The following MAGI2 variants were observed in gnomAD, a reference collection of about 807,000 sequenced individuals.
The protein encoded by MAGI2 is membrane associated guanylate kinase, WW and PDZ domain containing 2, also known as membrane-associated guanylate kinase, WW and PDZ domain-containing protein 2.
A neutral mutation model predicts 133.3 loss-of-function variants in MAGI2; 35 were observed. That is an observed-to-expected ratio of 0.26 (90% CI 0.20 to 0.35). The LOEUF is 0.35. MAGI2 is among the 10% of genes least tolerant of loss of function. The pLI is 1.00. For synonymous variants in MAGI2, 729 were observed against 710.6 expected (o/e 1.03, Z -0.41); for missense variants, 1,636 against 1,863.4 (o/e 0.88, Z 2.25).
At chr7:78,083,581 A>G (rs1055587824) in intron 20 of MAGI2, among the ~76,000 whole-genome samples, 2 of 152,182 alleles carry the variant, frequency 1.3e-5, no homozygotes, top group African/African-American at 4.8e-5. Context: ...TTTCCTATGG[A>G]AGAAATACTT....
At chr7:79,376,614 G>A (rs1025635822) in intron 1 of MAGI2, among the ~76,000 whole-genome samples, 2 of 151,864 alleles carry the variant, frequency 1.3e-5, no homozygotes, top group Admixed American at 6.6e-5. Flanking sequence ...GTAGATGCCT[G>A]GGACAAAGGG....
intron 10 of MAGI2, among the ~76,000 whole-genome samples, chr7:78,223,324 T>TA (rs375537425): frequency 5.0e-4 from 76 of 151,090 alleles, no homozygotes; most frequent in Middle Eastern, 3.4e-3. Flanking sequence ...CTTTCTGTAC[T>TA]AAAAAAAAAG....
rs566186416 is a variant in MAGI2 at position 78,063,052 on chromosome 7, C to T, written c.3706+15895G>A. Among the ~76,000 whole-genome samples the T allele has an allele frequency of 2.6e-5, 4 of 152,192 alleles. No individual in the cohort carries two copies. The South Asian group carries it at 6.2e-4, about 24-fold the overall frequency. ...ACCACTTTCTTAATTCCAGCCCTCACGTCATTTGCTTCAACTTCTGCAATA... is the reference window on the plus strand; with the variant it reads ...ACCACTTTCTTAATTCCAGCCCTCATGTCATTTGCTTCAACTTCTGCAATA... On this transcript the variant is annotated intron_variant, in intron 21 of 21. Transcript: ENST00000354212.
intron 20 of MAGI2, among the ~76,000 whole-genome samples, chr7:78,117,426 A>AGATCAGATG (rs1819981976): frequency 6.6e-6 from 1 of 152,072 alleles, no homozygotes; most frequent in South Asian, 2.1e-4. Flanking sequence ...TAAAAGAAAA[A>AGATCAGATG]GATCAGATGG....
At chr7:78,689,947 G>A (rs1816786746) in intron 2 of MAGI2, among the ~76,000 whole-genome samples, 1 of 151,840 alleles carries the variant, frequency 6.6e-6, no homozygotes, top group Non-Finnish European at 1.5e-5. Context: ...TTAACTACAT[G>A]TTTATCTTTT....
intron 2 of MAGI2, among the ~76,000 whole-genome samples, chr7:78,754,785 C>T (rs760982107): frequency 2.0e-5 from 3 of 152,186 alleles, no homozygotes; most frequent in Non-Finnish European, 2.9e-5. Context: ...TTCAAACTAA[C>T]CACTTCTGTT....
Position 78,080,498 on chromosome 7 carries a change from G to C in MAGI2, c.3568-1413C>G, listed in dbSNP as rs142363337. On this transcript the variant is annotated intron_variant, in intron 20 of 21. Coordinates refer to ENST00000354212, the MANE Select transcript of MAGI2 (RefSeq NM_012301.4). Reference sequence around the variant, plus strand: ...TGCCAGAGGCCATGTATCTAAGCCAGAGGCAGAAATGGGACCAATTATCCC... The same window carrying C: ...TGCCAGAGGCCATGTATCTAAGCCACAGGCAGAAATGGGACCAATTATCCC... Among the ~76,000 whole-genome samples, 1,097 of 152,330 alleles carry C rather than the reference G, an allele frequency of 7.2e-3. 40 individuals are homozygous for C. Among genetic ancestry groups the C allele is most frequent in the Admixed American group, 0.068 (1,042 of 15,304 alleles).
At chr7:78,990,038 T>G (rs1805613335) in intron 2 of MAGI2, among the ~76,000 whole-genome samples, 1 of 152,108 alleles carries the variant, frequency 6.6e-6, no homozygotes, top group Admixed American at 6.6e-5. Flanking sequence ...CATGTTTGTT[T>G]CCTTACCATC....
intron 6 of MAGI2, among the ~76,000 whole-genome samples, chr7:78,374,546 G>C (rs1794251098): frequency 2.6e-5 from 4 of 152,050 alleles, no homozygotes; most frequent in Admixed American, 2.6e-4. Flanking sequence ...CTGTGCAGAA[G>C]CTCTTTAGTT....
At chr7:79,199,503 T>C (rs1828398367) in intron 1 of MAGI2, among the ~76,000 whole-genome samples, 1 of 152,040 alleles carries the variant, frequency 6.6e-6, no homozygotes, top group African/African-American at 2.4e-5. Flanking sequence ...CTTTTCTTAG[T>C]CATACAAAGG....
At position 79,293,242 on chromosome 7, in the gene MAGI2, C is replaced by T. The variant is rs144369678; in HGVS notation, c.301+159778G>A. Among the ~76,000 whole-genome samples the T allele has an allele frequency of 2.0e-5, 3 of 152,286 alleles. No individual in the cohort carries two copies. In the East Asian group the frequency reaches 5.8e-4, roughly 29 times the overall value. On this transcript the variant is annotated intron_variant, in intron 1 of 21. Coordinates refer to ENST00000354212, the MANE Select transcript of MAGI2 (RefSeq NM_012301.4). ...CATTCACTTCTTAGTTATGATCTTA[C>T]TTAAGCATACCATCTAGTGTTACAA...
chr7:78,658,289 T>TA (rs35799866), intron 2 of MAGI2, among the ~76,000 whole-genome samples: 67,893 of 151,888 alleles, frequency 0.45, 15,321 homozygotes, highest in African/African-American at 0.46. Flanking sequence ...AAGTGGTTTT[T>TA]AAAAAACGAC....
At chr7:78,431,283 A>T (rs115496422) in intron 6 of MAGI2, among the ~76,000 whole-genome samples, 2 of 152,056 alleles carry the variant, frequency 1.3e-5, no homozygotes, top group Non-Finnish European at 2.9e-5. Context: ...TCAAAGACTG[A>T]CTAAAGGTGT....
intron 1 of MAGI2, among the ~76,000 whole-genome samples, chr7:79,239,837 C>G (rs1406159): frequency 0.61 from 92,314 of 152,086 alleles, 29,453 homozygotes; most frequent in Non-Finnish European, 0.7. Context: ...GGGATTGCTA[C>G]TTCCTGTCAA....
At chr7:79,337,872 T>C (rs1289822704) in intron 1 of MAGI2, among the ~76,000 whole-genome samples, 1 of 152,084 alleles carries the variant, frequency 6.6e-6, no homozygotes. Context: ...GTGTGCCTAC[T>C]AGTCAGACAT....
At chr7:78,135,596 A>G (rs1822031261) in intron 16 of MAGI2, among the ~76,000 whole-genome samples, 1 of 152,244 alleles carries the variant, frequency 6.6e-6, no homozygotes, top group South Asian at 2.1e-4. Flanking sequence ...TGAGTGTTTG[A>G]GGACCACATA....
At chr7:79,083,268 G>T (rs1816205633) in intron 1 of MAGI2, among the ~76,000 whole-genome samples, 1 of 149,382 alleles carries the variant, frequency 6.7e-6, no homozygotes, top group Non-Finnish European at 1.5e-5. Flanking sequence ...GATTTAAGGG[G>T]AAAACACTAG....
chr7:79,077,421 C>G (rs547219306), intron 1 of MAGI2, among the ~76,000 whole-genome samples: 3 of 150,498 alleles, frequency 2.0e-5, no homozygotes, highest in Non-Finnish European at 3.0e-5. Context: ...ATTAGCCAGG[C>G]GTGGTGGCGG....
intron 6 of MAGI2, among the ~76,000 whole-genome samples, chr7:78,457,243 T>C (rs1327886677): frequency 6.6e-6 from 1 of 152,218 alleles, no homozygotes; most frequent in African/African-American, 2.4e-5. Flanking sequence ...CAATCCTTCT[T>C]CTCAAACTCT....
Sources: allele counts gnomAD v4.1 joint callset (sites outside exome capture counted in the v4.1 genomes callset), GRCh38; gene constraint gnomAD v4.1.1; transcripts MANE v1.5; gene names NCBI Gene and HGNC (gene_info 2026-07-23, HGNC 2026-07-21).